The following SLC2A12 variants were observed in gnomAD, a reference collection of about 807,000 sequenced individuals.
The protein encoded by SLC2A12 is solute carrier family 2, facilitated glucose transporter member 12.
In SLC2A12, 23 loss-of-function variants were observed where a neutral mutation model predicts 41.8. The observed-to-expected ratio is 0.55, with a 90% CI of 0.40 to 0.78. SLC2A12 has a LOEUF of 0.78. Among genes scored for constraint, SLC2A12 ranks in the 30% least tolerant of loss-of-function variants. The probability of loss-of-function intolerance (pLI) is 0.00; values close to 1 mark genes in which losing one functional copy is unlikely to be tolerated. For synonymous variants in SLC2A12, 295 were observed against 285.9 expected (o/e 1.03, Z -0.32); for missense variants, 654 against 745.6 (o/e 0.88, Z 1.43).
intron 4 of SLC2A12, among the ~76,000 whole-genome samples, chr6:133,999,068 T>A (rs1293196503): frequency 6.6e-6 from 1 of 152,178 alleles, no homozygotes; most frequent in Non-Finnish European, 1.5e-5. Flanking sequence ...ACTTTATTAA[T>A]TAACAAGATG....
intron 1 of SLC2A12, among the ~76,000 whole-genome samples, chr6:134,044,884 G>A (rs76771578): frequency 0.021 from 3,154 of 152,164 alleles, 45 homozygotes; most frequent in Middle Eastern, 0.061. Flanking sequence ...CAACAATTAA[G>A]CATGAACTAT....
chr6:134,014,042 G>A (rs1052127280), intron 2 of SLC2A12, among the ~76,000 whole-genome samples: 18 of 152,128 alleles, frequency 1.2e-4, no homozygotes, highest in African/African-American at 3.6e-4. Flanking sequence ...GAAGGAGTGC[G>A]CTTCAGAAAG....
chr6:134,033,763 A>G (rs1448069262), intron 1 of SLC2A12, among the ~76,000 whole-genome samples: 1 of 152,100 alleles, frequency 6.6e-6, no homozygotes, highest in African/African-American at 2.4e-5. Context: ...CTTTCATGAG[A>G]TGGAAAATAC....
Position 133,989,612 on chromosome 6 carries a change from T to G in SLC2A12, c.*1543A>C, listed in dbSNP as rs1203023195. On this transcript the variant is annotated 3_prime_UTR_variant, in exon 5 of 5. Coordinates refer to ENST00000275230, the MANE Select transcript of SLC2A12 (RefSeq NM_145176.3). ...GATAGAATTGAGATCTCCAATCTCC[T>G]TTCCTTTTAGCTTCCCCCTGCCAAT... 1 of 152,176 alleles carries G rather than the reference T, an allele frequency of 6.6e-6. No homozygotes were observed. The highest frequency in any genetic ancestry group is 1.5e-5 in the Non-Finnish European group (1 of 68,024). The allele number at this position is 152,176 out of a possible 1,614,324, so 9.4% of individuals were successfully genotyped here.
chr6:134,052,236 T>TGC (rs1373483920), intron 1 of SLC2A12, 142 bp downstream of exon 1: 8 of 502,876 alleles, frequency 1.6e-5, no homozygotes, highest in South Asian at 2.7e-5. Context: ...CGCGCCCACA[T>TGC]GCGCGCGCGC....
intron 2 of SLC2A12, among the ~76,000 whole-genome samples, chr6:134,021,188 T>G (rs1777035904): frequency 6.6e-6 from 1 of 152,188 alleles, no homozygotes; most frequent in Admixed American, 6.5e-5. Context: ...AGCCTAGTAT[T>G]TCTAGCTTAC....
intron 1 of SLC2A12, among the ~76,000 whole-genome samples, chr6:134,050,740 C>A (rs532665320): frequency 2.0e-5 from 3 of 152,178 alleles, no homozygotes; most frequent in African/African-American, 7.2e-5. Context: ...TAGACTGCAG[C>A]TCATGTTCCC....
At chr6:134,014,321 C>T (rs888927433) in intron 2 of SLC2A12, among the ~76,000 whole-genome samples, 3 of 152,206 alleles carry the variant, frequency 2.0e-5, no homozygotes, top group Non-Finnish European at 4.4e-5. Flanking sequence ...AGCTCACCTC[C>T]TGCTGTGCAG....
Position 133,991,007 on chromosome 6 carries a change from A to T in SLC2A12, c.*148T>A. 2.2e-6 allele frequency: 2 copies of T among 904,530 alleles called. No homozygotes were observed. The highest frequency in any genetic ancestry group is 3.2e-6 in the Non-Finnish European group (2 of 621,826). 56.0% of individuals were successfully genotyped at this position (904,530 alleles called of 1,614,324 possible). On this transcript the variant is annotated 3_prime_UTR_variant, in exon 5 of 5. Transcript: ENST00000275230. ...GTTCCTTCTGGGGAGGAGGGGGATT[A>T]AAGGCTGTCTTTATCATTTCAGAGT...
chr6:133,994,509 C>T (rs566434715), intron 4 of SLC2A12, among the ~76,000 whole-genome samples: 15 of 152,190 alleles, frequency 9.9e-5, no homozygotes, highest in Admixed American at 4.6e-4. Context: ...GGGTGGATCA[C>T]GAGGTCAGGA....
intron 4 of SLC2A12, among the ~76,000 whole-genome samples, chr6:133,995,782 A>G (rs1776680004): frequency 6.6e-6 from 1 of 152,194 alleles, no homozygotes; most frequent in Non-Finnish European, 1.5e-5. Flanking sequence ...GAATGAAACC[A>G]AACTCTTCAC....
rs114426167 is a variant in SLC2A12, at chr6:134,041,867, G to A, written c.103+10511C>T. On this transcript the variant is annotated intron_variant, in intron 1 of 4. Coordinates refer to ENST00000275230, the MANE Select transcript of SLC2A12 (RefSeq NM_145176.3). ...GGGAGGGAACCTGGAGAATAAACCC[G>A]CAGCTGTCTTTCCTAGAGTCCCCTG... is the stretch of plus-strand genomic sequence containing the variant. Among the ~76,000 whole-genome samples, 1,157 of 152,210 alleles carry A rather than the reference G, an allele frequency of 7.6e-3. 12 individuals carry two copies. The highest frequency in any genetic ancestry group is 0.027 in the African/African-American group (1,109 of 41,516).
chr6:133,996,163 AATGAATTGG>A (rs1776684238), intron 4 of SLC2A12, among the ~76,000 whole-genome samples: 1 of 152,244 alleles, frequency 6.6e-6, no homozygotes, highest in African/African-American at 2.4e-5. Context: ...TTGTTGAATA[AATGAATTGG>A]ATGGATGGAT....
At chr6:134,010,619 G>C (rs374949713) in intron 2 of SLC2A12, among the ~76,000 whole-genome samples, 3 of 152,122 alleles carry the variant, frequency 2.0e-5, no homozygotes, top group South Asian at 2.1e-4. Flanking sequence ...TGGACTTGTG[G>C]GGGGGCGGAG....
At chr6:134,021,278 G>T (rs866405822) in intron 2 of SLC2A12, among the ~76,000 whole-genome samples, 1 of 152,220 alleles carries the variant, frequency 6.6e-6, no homozygotes, top group African/African-American at 2.4e-5. Flanking sequence ...TGTCTGCATC[G>T]TATTTTTAAG....
intron 3 of SLC2A12, among the ~76,000 whole-genome samples, chr6:134,005,256 C>T (rs1467480873): frequency 6.6e-6 from 1 of 152,096 alleles, no homozygotes; most frequent in African/African-American, 2.4e-5. Flanking sequence ...TTGCTTGTAA[C>T]ATTTTTTTAT....
At chr6:134,025,196 T>G (rs1777098068) in intron 2 of SLC2A12, among the ~76,000 whole-genome samples, 1 of 152,170 alleles carries the variant, frequency 6.6e-6, no homozygotes, top group African/African-American at 2.4e-5. Context: ...AAGAATGAAC[T>G]AAAAATAATT....
Position 134,029,290 on chromosome 6 carries a change from T to C in SLC2A12, c.535A>G (p.Ile179Val). 1 of 1,614,206 alleles carries C rather than the reference T, an allele frequency of 6.2e-7. No homozygotes were observed. Among genetic ancestry groups the C allele is most frequent in the African/African-American group, 1.3e-5 (1 of 75,054 alleles). ...TAATTTGAAATATAGGCAGAAAGAA[T>C]GCCGATGACAATCATCAGCTCATTC... ...SLNELMIVIGILSAYISNYAF... is the reference protein window; with the variant it reads ...SLNELMIVIGVLSAYISNYAF... The change falls in exon 2 of 5, where the codon ATT becomes GTT. Residue 179 changes from isoleucine (I) to valine (V), a missense_variant. Physicochemically the swap from Ile to Val is conservative, Grantham distance 29. Around this residue, in one of 3 missense-constraint regions of SLC2A12, gnomAD observed 411 missense variants for 412.1 expected, o/e 1.00. Coordinates refer to ENST00000275230, the MANE Select transcript of SLC2A12 (RefSeq NM_145176.3).
At chr6:134,012,199 A>G (rs1263798906) in intron 2 of SLC2A12, among the ~76,000 whole-genome samples, 1 of 152,206 alleles carries the variant, frequency 6.6e-6, no homozygotes, top group African/African-American at 2.4e-5. Context: ...ATACTTTTTC[A>G]AGAATATTAT....
Sources: allele counts gnomAD v4.1 joint callset (sites outside exome capture counted in the v4.1 genomes callset), GRCh38; gene constraint gnomAD v4.1.1; regional missense constraint gnomAD v4.1.1; transcripts MANE v1.5; gene names NCBI Gene and HGNC (gene_info 2026-07-23, HGNC 2026-07-21).